PCDH11Y: variants seen among roughly 807,000 people sequenced by gnomAD.
PCDH11Y encodes the protein protocadherin-11 Y-linked.
For synonymous variants in PCDH11Y, 9 were observed against 83.6 expected (o/e 0.11, Z 4.87); for missense variants, 12 against 224.8 (o/e 0.05, Z 6.05).
In PCDH11Y at chrY:5,451,968, G is replaced by C. The variant is rs2124682802; in HGVS notation, c.3130-49089G>C. 2.4e-4 allele frequency among the ~76,000 whole-genome samples: 8 copies of C among 33,534 alleles called. No individual in the cohort carries two copies. In the South Asian group the frequency reaches 5.2e-3, roughly 22 times the overall value. The allele number at this position is 33,534 out of a possible 37,273, so 90.0% of individuals were successfully genotyped here. A position where few individuals can be genotyped will look rare whatever the true frequency, so the allele number is the denominator to read the frequency against. ...ACTGTATCTATATCCACCACTTACA[G>C]AGTGTTTATTATGTTTAAAGATCCA... On this transcript the variant is annotated intron_variant, in intron 2 of 4. Transcript: ENST00000400457.
intron 3 of PCDH11Y, among the ~76,000 whole-genome samples, chrY:5,040,038 G>A: frequency 1.3e-4 from 4 of 31,064 alleles, no homozygotes; most frequent in Non-Finnish European, 3.1e-4. Flanking sequence ...ATACTCGGGA[G>A]GCTGAGGCAG....
chrY:5,377,711 AT>A (rs2053198896), intron 2 of PCDH11Y, among the ~76,000 whole-genome samples: 2 of 32,895 alleles, frequency 6.1e-5, no homozygotes, highest in African/African-American at 2.3e-4. Flanking sequence ...TATTTTCTAT[AT>A]TTTTATTTTA....
chrY:5,288,407 C>T, intron 2 of PCDH11Y, among the ~76,000 whole-genome samples: 3 of 32,541 alleles, frequency 9.2e-5, no homozygotes, highest in African/African-American at 2.4e-4. Flanking sequence ...TTTTGGGGCA[C>T]CAAGGCTCAG....
intron 2 of PCDH11Y, among the ~76,000 whole-genome samples, chrY:5,224,879 T>TA (rs2052958186): frequency 6.0e-5 from 2 of 33,326 alleles, no homozygotes; most frequent in Middle Eastern, 0.028. Flanking sequence ...ACCGAAGTAT[T>TA]ACAGCATACA....
downstream of PCDH11Y, among the ~76,000 whole-genome samples, chrY:5,106,861 T>G: frequency 3.1e-5 from 1 of 32,454 alleles, no homozygotes; most frequent in Admixed American, 2.8e-4. Flanking sequence ...ATACCTAGAG[T>G]GGAGGTTTCC....
intron 4 of PCDH11Y, among the ~76,000 whole-genome samples, chrY:5,730,143 T>A: frequency 3.0e-5 from 1 of 33,143 alleles, no homozygotes; most frequent in Admixed American, 2.8e-4. Flanking sequence ...AACAGTTTTT[T>A]TTTTCAAATT....
At chrY:5,613,538 T>C in intron 4 of PCDH11Y, among the ~76,000 whole-genome samples, 1 of 26,294 alleles carries the variant, frequency 3.8e-5, no homozygotes, top group Non-Finnish European at 8.9e-5. Flanking sequence ...TCAAGAGATA[T>C]ATTTTGTCCT....
chrY:5,174,618 C>T, intron 2 of PCDH11Y, among the ~76,000 whole-genome samples: 1 of 32,574 alleles, frequency 3.1e-5, no homozygotes, highest in African/African-American at 1.2e-4. Flanking sequence ...TGACTGTATC[C>T]TATGTATTAG....
At chrY:5,153,330 A>G (rs2052865573) in intron 2 of PCDH11Y, among the ~76,000 whole-genome samples, 1 of 32,736 alleles carries the variant, frequency 3.1e-5, no homozygotes, top group African/African-American at 1.2e-4. Context: ...AGTTTTTAGA[A>G]CTACTTGACT....
chrY:5,497,041 A>G (rs2124687487), intron 2 of PCDH11Y, among the ~76,000 whole-genome samples: 2 of 33,516 alleles, frequency 6.0e-5, no homozygotes, highest in African/African-American at 2.3e-4. Flanking sequence ...AATCCAGTCT[A>G]TCATTGTTGG....
intron 2 of PCDH11Y, among the ~76,000 whole-genome samples, chrY:5,350,914 G>A (rs2053157709): frequency 6.1e-5 from 2 of 32,524 alleles, no homozygotes; most frequent in Admixed American, 2.9e-4. Context: ...TTCTCTCGCC[G>A]GGAGTGGTGG....
chrY:5,108,626 A>G (rs2052798734), downstream of PCDH11Y, among the ~76,000 whole-genome samples: 1 of 29,772 alleles, frequency 3.4e-5, no homozygotes. Flanking sequence ...GGGCGCCTGT[A>G]GTCCCAGCTA....
At chrY:5,297,033 G>T in intron 2 of PCDH11Y, among the ~76,000 whole-genome samples, 1 of 32,815 alleles carries the variant, frequency 3.0e-5, no homozygotes, top group African/African-American at 1.2e-4. Flanking sequence ...TAGTACCTGG[G>T]TATCACTGCT....
intron 2 of PCDH11Y, among the ~76,000 whole-genome samples, chrY:5,163,457 ACT>A (rs2052876297): frequency 3.1e-5 from 1 of 32,393 alleles, no homozygotes; most frequent in Admixed American, 2.8e-4. Flanking sequence ...GTATCATTAA[ACT>A]CTCTGATATA....
chrY:5,185,025 G>A, intron 2 of PCDH11Y, among the ~76,000 whole-genome samples: 3 of 32,632 alleles, frequency 9.2e-5, no homozygotes, highest in African/African-American at 3.6e-4. Flanking sequence ...ACTTTTCCCC[G>A]ATGTTTTCTT....
Position 5,243,745 on chromosome Y carries a change from A to G in PCDH11Y, c.3129+143038A>G, listed in dbSNP as rs375328375. Among the ~76,000 whole-genome samples the G allele has an allele frequency of 3.6e-3, 114 of 31,242 alleles. No individual in the cohort carries two copies. In the East Asian group the frequency reaches 0.076, roughly 21 times the overall value. 83.8% of individuals were successfully genotyped at this position (31,242 alleles called of 37,273 possible). ...ACACCAGGACTCATTCTTGGCCCCCAGTGACCCCAGGAGAACAGGCGAGTT... is the reference window on the plus strand; with the variant it reads ...ACACCAGGACTCATTCTTGGCCCCCGGTGACCCCAGGAGAACAGGCGAGTT... On this transcript the variant is annotated intron_variant, in intron 2 of 4. Coordinates refer to the PCDH11Y transcript ENST00000400457.
At chrY:5,064,912 G>T in intron 1 of PCDH11Y, among the ~76,000 whole-genome samples, 2 of 30,655 alleles carry the variant, frequency 6.5e-5, no homozygotes, top group Non-Finnish European at 1.5e-4. Context: ...TAGAGACAGG[G>T]TTTCACCATT....
At chrY:5,261,550 T>C (rs9786127) in intron 2 of PCDH11Y, among the ~76,000 whole-genome samples, 402 of 33,708 alleles carry the variant, frequency 0.012, no homozygotes, top group African/African-American at 0.045. Context: ...AACTTTGAAC[T>C]TGAGAGATAT....
intron 2 of PCDH11Y, among the ~76,000 whole-genome samples, chrY:5,352,029 GT>G: frequency 3.1e-5 from 1 of 32,061 alleles, no homozygotes; most frequent in African/African-American, 1.2e-4. Flanking sequence ...TGAAACAGCA[GT>G]CTTAAATCCT....
Sources: gnomAD v4.1 joint callset for allele counts (sites outside exome capture counted in the v4.1 genomes callset) on GRCh38, gnomAD v4.1.1 for gene constraint, MANE v1.5 for transcripts, NCBI Gene and HGNC (gene_info 2026-07-23, HGNC 2026-07-21) for gene names.